Variants in ASCC3 observed in about 807,000 individuals in gnomAD.
ASCC3 encodes activating signal cointegrator 1 complex subunit 3.
A neutral mutation model predicts 256.3 loss-of-function variants in ASCC3; 158 were observed. The ratio of observed to expected loss-of-function variants is 0.62; its 90% CI spans 0.54 to 0.70. ASCC3 has a LOEUF of 0.70. Among genes scored for constraint, ASCC3 ranks in the 30% least tolerant of loss-of-function variants. The pLI is 0.00. For missense variants in ASCC3, 2,259 were observed against 2,626.0 expected (o/e 0.86, Z 3.05); for synonymous variants, 948 against 883.4 (o/e 1.07, Z -1.30).
At chr6:100,607,386 G>C (rs951115604) in intron 30 of ASCC3, among the ~76,000 whole-genome samples, 5 of 151,814 alleles carry the variant, frequency 3.3e-5, no homozygotes, top group African/African-American at 1.2e-4. Flanking sequence ...TAAAAAGGAT[G>C]CAATATTTCA....
chr6:100,593,367 G>A (rs966594828), intron 34 of ASCC3, among the ~76,000 whole-genome samples: 3 of 151,972 alleles, frequency 2.0e-5, no homozygotes, highest in South Asian at 2.1e-4. Context: ...TACAAAGTTC[G>A]TAAAATTTAA....
At chr6:100,583,417 T>C (rs768938097) in intron 36 of ASCC3, among the ~76,000 whole-genome samples, 3 of 152,222 alleles carry the variant, frequency 2.0e-5, no homozygotes, top group Admixed American at 1.3e-4. Context: ...TGTATTTCTG[T>C]GGGATCGGTG....
In ASCC3 at chr6:100,651,578, T is replaced by C. The variant is rs764579654; in HGVS notation, c.3057A>G (p.Glu1019=). ...GDIFAIVSKA[E]EFDQIKVREE... The stretch of plus-strand genomic sequence containing the variant: ...ATCTTACCTTAATTTGATCAAATTC[T>C]TCAGCTTTGGAGACTATGGCAAAGA... Residue 1019 remains glutamate (E), a synonymous_variant, in exon 19 of 42, where the codon GAA becomes GAG. Coordinates refer to ENST00000369162, the MANE Select transcript of ASCC3 (RefSeq NM_006828.4). 13 of 1,578,026 alleles carry C rather than the reference T, an allele frequency of 8.2e-6. No individual in the cohort carries two copies. The highest frequency in any genetic ancestry group is 1.7e-4 in the Middle Eastern group (1 of 5,832).
chr6:100,555,909 T>C lies in ASCC3; in HGVS notation c.5551-15522A>G, dbSNP rs534825301. Among the ~76,000 whole-genome samples the C allele has an allele frequency of 6.9e-5, 9 of 130,758 alleles. No individual in the cohort carries two copies. In the South Asian group the frequency reaches 2.5e-3, roughly 37 times the overall value. The allele number at this position is 130,758 out of a possible 152,430, so 85.8% of individuals were successfully genotyped here. On this transcript the variant is annotated intron_variant, in intron 36 of 41. Coordinates refer to ENST00000369162, the MANE Select transcript of ASCC3 (RefSeq NM_006828.4). ...TACTCCAAAGGCTGAGGTGGGATGATTGCTTGAGCCCAGGAGATGGAGGCT... is the reference window on the plus strand; with the variant it reads ...TACTCCAAAGGCTGAGGTGGGATGACTGCTTGAGCCCAGGAGATGGAGGCT...
intron 4 of ASCC3, among the ~76,000 whole-genome samples, chr6:100,810,038 T>C (rs1770384588): frequency 6.6e-6 from 1 of 152,136 alleles, no homozygotes; most frequent in Non-Finnish European, 1.5e-5. Context: ...AGTATCCTGA[T>C]CCTTACAAGA....
chr6:100,718,200 G>A lies in ASCC3; in HGVS notation c.1954C>T (p.Pro652Ser). ...AATGTGGCAACATCGAGGTAGTTAG[G>A]TAAAGTTGCAGACAGTCCGAGAATC... is the stretch of plus-strand genomic sequence containing the variant. Reference protein sequence around the residue: ...IRILGLSATLPNYLDVATFLH... With the variant: ...IRILGLSATLSNYLDVATFLH... The change falls in exon 12 of 42, where the codon CCT becomes TCT. Residue 652 changes from proline to serine, a missense_variant. Physicochemically the swap from Pro to Ser is moderately conservative, Grantham distance 74. Around this residue, in one of 2 missense-constraint regions of ASCC3, gnomAD observed 1,839 missense variants for 2,206.7 expected, o/e 0.83. Transcript: ENST00000369162. 6.2e-7 allele frequency: 1 copy of A among 1,613,320 alleles called. No individual in the cohort carries two copies. The highest frequency in any genetic ancestry group is 2.2e-5 in the East Asian group (1 of 44,836).
rs368692918 is a variant in ASCC3 at position 100,650,531 on chromosome 6, T to C, written c.3252+7A>G. On this transcript the variant is annotated splice_region_variant and intron_variant, in intron 20 of 41. Coordinates refer to ENST00000369162, the MANE Select transcript of ASCC3 (RefSeq NM_006828.4). ...AAGAGAAAACTGGAAGGGAATAAGA[T>C]ACTTACCTGTGCAACATATGCAGAA... 1.8e-5 allele frequency: 29 copies of C among 1,612,008 alleles called. No homozygotes were observed. Among genetic ancestry groups the C allele is most frequent in the Middle Eastern group, 3.3e-4 (2 of 6,078 alleles).
chr6:100,803,715 G>A (rs1770033820), intron 5 of ASCC3, among the ~76,000 whole-genome samples: 1 of 152,096 alleles, frequency 6.6e-6, no homozygotes, highest in Non-Finnish European at 1.5e-5. Context: ...TTAAGGCTCT[G>A]AGAACATGTA....
intron 36 of ASCC3, among the ~76,000 whole-genome samples, chr6:100,574,285 T>C (rs1275799646): frequency 6.6e-6 from 1 of 152,140 alleles, no homozygotes; most frequent in African/African-American, 2.4e-5. Flanking sequence ...AACCTTTTTA[T>C]GTACCTTACT....
chr6:100,534,075 T>G (rs1333014403), intron 37 of ASCC3, among the ~76,000 whole-genome samples: 2 of 151,944 alleles, frequency 1.3e-5, no homozygotes, highest in South Asian at 2.1e-4. Context: ...AAACTCTGTC[T>G]CTACAAAAAA....
chr6:100,540,263 T>G lies in ASCC3; in HGVS notation c.5675A>C (p.His1892Pro), dbSNP rs1317535187. ...GCTGAGATGTGCCTGTAGCAGGAGA[T>G]GTGCTTTGGTGTGAGGGCTGTCAAA... is the stretch of plus-strand genomic sequence containing the variant. ...HSFDSPHTKA[H>P]LLLQAHLSRA... Residue 1892 changes from histidine to proline, a missense_variant, in exon 37 of 42, where the codon CAT (histidine) becomes CCT (proline). Physicochemically the swap from His to Pro is moderately conservative, Grantham distance 77 (BLOSUM62 -2). This residue lies in a region of ASCC3 where 1,839 missense variants were observed against 2,206.7 expected (regional missense o/e 0.83). Transcript: ENST00000369162. 1 of 1,613,978 alleles carries G rather than the reference T, an allele frequency of 6.2e-7. No homozygotes were observed. Among genetic ancestry groups the G allele is most frequent in the East Asian group, 2.2e-5 (1 of 44,876 alleles).
intron 8 of ASCC3, among the ~76,000 whole-genome samples, chr6:100,773,872 T>C (rs1041922729): frequency 3.3e-5 from 5 of 152,184 alleles, no homozygotes; most frequent in South Asian, 2.1e-4. Context: ...AAATACTAAA[T>C]TGAATCTAGC....
chr6:100,646,746 T>A lies in ASCC3; in HGVS notation c.3502A>T (p.Ile1168Phe), dbSNP rs1470817240. 8 of 1,613,866 alleles carry A rather than the reference T, an allele frequency of 5.0e-6. No homozygotes were observed. The highest frequency in any genetic ancestry group is 6.8e-6 in the Non-Finnish European group (8 of 1,179,922). ...EIGHILHHVNIGLKVKQCVHQ... is the reference protein window; with the variant it reads ...EIGHILHHVNFGLKVKQCVHQ... ...ACACATTGTTTGACCTTCAGTCCAA[T>A]ATTCACATGATGTAAAATGTGACCT... The change falls in exon 22 of 42, where the codon ATT becomes TTT. Residue 1168 changes from isoleucine to phenylalanine, a missense_variant. Physicochemically the swap from Ile to Phe is conservative, Grantham distance 21 (BLOSUM62 0). This residue lies in a region of ASCC3 where 1,839 missense variants were observed against 2,206.7 expected (regional missense o/e 0.83). Coordinates refer to ENST00000369162, the MANE Select transcript of ASCC3 (RefSeq NM_006828.4).
intron 4 of ASCC3, among the ~76,000 whole-genome samples, chr6:100,833,039 T>G (rs888028303): frequency 1.3e-5 from 2 of 152,010 alleles, no homozygotes; most frequent in Non-Finnish European, 2.9e-5. Context: ...TGCCAAAACT[T>G]AGAAGCAACC....
At chr6:100,824,148 G>C (rs182951847) in intron 4 of ASCC3, among the ~76,000 whole-genome samples, 99 of 152,170 alleles carry the variant, frequency 6.5e-4, no homozygotes, top group South Asian at 2.9e-3. Context: ...TTAGATTATG[G>C]GTTTACTTAA....
At chr6:100,509,568 AC>A (rs1357318576) in intron 41 of ASCC3, 35 bp from the exon 42 acceptor site, 3 of 1,570,244 alleles carry the variant, frequency 1.9e-6, no homozygotes, top group African/African-American at 1.4e-5. Context: ...ATGTAAAACC[AC>A]TTTTGTAATC....
chr6:100,677,996 A>T (rs1163741126), intron 14 of ASCC3, among the ~76,000 whole-genome samples: 1 of 152,084 alleles, frequency 6.6e-6, no homozygotes, highest in Non-Finnish European at 1.5e-5. Flanking sequence ...AATATGCTCT[A>T]GAATATTTCA....
At chr6:100,790,100 G>A (rs1485514597) in intron 8 of ASCC3, among the ~76,000 whole-genome samples, 1 of 151,934 alleles carries the variant, frequency 6.6e-6, no homozygotes, top group African/African-American at 2.4e-5. Context: ...CTATCAATGT[G>A]AGAAATTAAT....
chr6:100,557,761 A>G (rs959149429), intron 36 of ASCC3, among the ~76,000 whole-genome samples: 1 of 152,142 alleles, frequency 6.6e-6, no homozygotes, highest in Admixed American at 6.6e-5. Flanking sequence ...AAAAATAGTT[A>G]GAAAGAATAA....
Sources: allele counts gnomAD v4.1 joint callset (sites outside exome capture counted in the v4.1 genomes callset), GRCh38; gene constraint gnomAD v4.1.1; regional missense constraint gnomAD v4.1.1; transcripts MANE v1.5; gene names NCBI Gene and HGNC (gene_info 2026-07-23, HGNC 2026-07-21).